NUDT13: variants seen among roughly 807,000 people sequenced by gnomAD.
The protein encoded by NUDT13 is nudix hydrolase 13.
Under a neutral mutation model 41.7 loss-of-function variants are expected in NUDT13, and 40 were observed. The ratio of observed to expected loss-of-function variants is 0.96; its 90% CI spans 0.75 to 1.25. The LOEUF (loss-of-function observed/expected upper bound fraction) is 1.25. Ranked by LOEUF, NUDT13 falls within the 50% of genes most tolerant of loss-of-function variation. The probability of loss-of-function intolerance (pLI) is 0.00; values close to 1 mark genes in which losing one functional copy is unlikely to be tolerated. For missense variants in NUDT13, 390 were observed against 416.1 expected, an observed-to-expected ratio of 0.94 and a Z score of 0.55; for synonymous variants, 145 against 155.5, an observed-to-expected ratio of 0.93 and a Z score of 0.50.
chr10:73,110,700 C>G (rs2133194385), intron 1 of NUDT13, 133 bp downstream of exon 1: 1 of 152,218 alleles, frequency 6.6e-6, no homozygotes, highest in African/African-American at 2.4e-5. Context: ...TTCCTTTTTG[C>G]AGAAACCAGG....
chr10:73,124,116 C>T, intron 4 of NUDT13, 98 bp from the exon 5 acceptor site: 1 of 797,608 alleles, frequency 1.3e-6, no homozygotes, highest in Non-Finnish European at 2.1e-6. Context: ...TCTTACGAGG[C>T]AAGTTTGGGA....
At chr10:73,112,415 G>A (rs915661672) in intron 1 of NUDT13, among the ~76,000 whole-genome samples, 101 of 149,042 alleles carry the variant, frequency 6.8e-4, no homozygotes, top group African/African-American at 2.4e-3. Context: ...TGGTATGTCT[G>A]TGTCCTTTTT....
chr10:73,124,448 C>A, intron 5 of NUDT13, 128 bp downstream of exon 5: 1 of 647,160 alleles, frequency 1.5e-6, no homozygotes, highest in Admixed American at 2.5e-5. Flanking sequence ...TTTCTACAAA[C>A]ACTGGCAGGA....
intron 3 of NUDT13, among the ~76,000 whole-genome samples, chr10:73,121,282 A>G (rs1842640616): frequency 6.6e-6 from 1 of 152,212 alleles, no homozygotes. Context: ...TTTCAGTTTT[A>G]TATGAGTCAC....
chr10:73,119,108 T>C (rs775762301), intron 2 of NUDT13, among the ~76,000 whole-genome samples: 3 of 151,930 alleles, frequency 2.0e-5, no homozygotes, highest in Non-Finnish European at 2.9e-5. Flanking sequence ...TGCAGTGGCG[T>C]GATCTCTGCT....
intron 5 of NUDT13, 98 bp from the exon 6 acceptor site, chr10:73,125,020 A>G: frequency 7.1e-7 from 1 of 1,404,942 alleles, no homozygotes; most frequent in Non-Finnish European, 9.5e-7. Context: ...AGAGATTGGC[A>G]TTTTTCTGTG....
chr10:73,120,293 A>G (rs1288035251), intron 3 of NUDT13, 136 bp downstream of exon 3: 1 of 740,484 alleles, frequency 1.4e-6, no homozygotes, highest in Non-Finnish European at 2.1e-6. Flanking sequence ...TCATGCTTGT[A>G]TAACTGCTTC....
intron 2 of NUDT13, among the ~76,000 whole-genome samples, chr10:73,116,424 A>G (rs760478066): frequency 6.6e-5 from 10 of 152,124 alleles, no homozygotes; most frequent in Non-Finnish European, 1.0e-4. Context: ...TCCAATATAT[A>G]AAGCCCTATC....
chr10:73,122,116 A>G, intron 3 of NUDT13, 59 bp from the exon 4 acceptor site: 1 of 1,560,998 alleles, frequency 6.4e-7, no homozygotes, highest in Non-Finnish European at 8.7e-7. Context: ...ATATGGCTGT[A>G]GTGATTTAAT....
chr10:73,129,091 C>G (rs1842855879), intron 8 of NUDT13, among the ~76,000 whole-genome samples: 1 of 151,182 alleles, frequency 6.6e-6, no homozygotes, highest in Admixed American at 6.6e-5. Flanking sequence ...TCTTATTGCT[C>G]AAGTCAGTCA....
chr10:73,119,341 G>A, intron 2 of NUDT13: 1 of 213,816 alleles, frequency 4.7e-6, no homozygotes, highest in Non-Finnish European at 8.0e-6. Flanking sequence ...ACCACGCCCG[G>A]CCAGGTGCTC....
At chr10:73,119,574 T>C in intron 2 of NUDT13, 1 of 611,590 alleles carries the variant, frequency 1.6e-6, no homozygotes, top group Non-Finnish European at 2.1e-6. Context: ...TTCACTCCAC[T>C]GCATGTAAAT....
chr10:73,117,513 T>C (rs2133207725), intron 2 of NUDT13, among the ~76,000 whole-genome samples: 1 of 144,852 alleles, frequency 6.9e-6, no homozygotes, highest in South Asian at 2.2e-4. Flanking sequence ...GCCAAGATCG[T>C]GCCACTGCAC....
chr10:73,125,370 C>CATCT, intron 6 of NUDT13, 28 bp from the exon 7 acceptor site: 1 of 1,610,964 alleles, frequency 6.2e-7, no homozygotes, highest in Non-Finnish European at 8.5e-7. Flanking sequence ...AAAGTGCCAG[C>CATCT]ATCTCAGTTT....
chr10:73,130,471 AAAAT>A, intron 8 of NUDT13: 6 of 165,032 alleles, frequency 3.6e-5, no homozygotes, highest in Non-Finnish European at 7.6e-5. Flanking sequence ...TAAAAAAAAA[AAAAT>A]ATATATATAT....
At chr10:73,120,522 CAG>C (rs1842618158) in intron 3 of NUDT13, among the ~76,000 whole-genome samples, 1 of 152,006 alleles carries the variant, frequency 6.6e-6, no homozygotes, top group Non-Finnish European at 1.5e-5. Flanking sequence ...AGAGTTGTGA[CAG>C]AGACTGTATG....
rs1033555803 is a variant in NUDT13 at position 73,131,240 on chromosome 10, T to C, written c.*337T>C. The C allele has an allele frequency of 2.1e-5, 5 of 239,360 alleles. No individual in the cohort carries two copies. The highest frequency in any genetic ancestry group is 9.6e-5 in the Admixed American group (2 of 20,874). 14.8% of individuals were successfully genotyped at this position (239,360 alleles called of 1,614,324 possible). A position where few individuals can be genotyped will look rare whatever the true frequency, so the allele number is the denominator to read the frequency against. On this transcript the variant is annotated 3_prime_UTR_variant, in exon 9 of 9. Transcript: ENST00000357321. ...CATCTTCTGGCATATGGCTTGTTAATGTTGTGTTTACACTAACTGCCAAAA... is the reference window on the plus strand; with the variant it reads ...CATCTTCTGGCATATGGCTTGTTAACGTTGTGTTTACACTAACTGCCAAAA...
chr10:73,116,245 G>A (rs1396473630), intron 2 of NUDT13, among the ~76,000 whole-genome samples: 1 of 151,954 alleles, frequency 6.6e-6, no homozygotes, highest in African/African-American at 2.4e-5. Flanking sequence ...CTGGGCTCAA[G>A]CAATCCTCCT....
At chr10:73,123,025 C>T (rs1156876813) in intron 4 of NUDT13, among the ~76,000 whole-genome samples, 1 of 151,750 alleles carries the variant, frequency 6.6e-6, no homozygotes, top group Admixed American at 6.6e-5. Context: ...CTCAGCCTCC[C>T]TATTAGCTGG....
Sources: gnomAD v4.1 joint callset for allele counts (sites outside exome capture counted in the v4.1 genomes callset) on GRCh38, gnomAD v4.1.1 for gene constraint, MANE v1.5 for transcripts, NCBI Gene and HGNC (gene_info 2026-07-23, HGNC 2026-07-21) for gene names.